The following IPO7 variants were observed in gnomAD, a reference collection of about 807,000 sequenced individuals.
The protein encoded by IPO7 is importin-7.
IPO7 carries 13 observed loss-of-function variants against 136.4 expected under a neutral mutation model. The ratio of observed to expected loss-of-function variants is 0.10; its 90% CI spans 0.06 to 0.15. IPO7 has a LOEUF of 0.15. Ranked by LOEUF, IPO7 falls within the 10% of genes least tolerant of loss-of-function variation. The pLI, the probability that IPO7 is intolerant of heterozygous loss-of-function variation, is 1.00. For missense variants in IPO7, 857 were observed against 1,240.6 expected (o/e 0.69, Z 4.65); for synonymous variants, 403 against 404.4 (o/e 1.00, Z 0.04).
chr11:9,431,630 A>G (rs1050158186), intron 16 of IPO7, among the ~76,000 whole-genome samples: 3 of 152,118 alleles, frequency 2.0e-5, no homozygotes, highest in Non-Finnish European at 4.4e-5. Flanking sequence ...TAGTTTTCTT[A>G]TTATTTACTC....
chr11:9,437,803 T>C lies in IPO7; in HGVS notation c.2318T>C (p.Val773Ala). ...GCCTTAGAAAGACTGACAAGAGAGG[T>C]TAAGACAAGTGAACTTCGAACTATG... ...EAALERLTRE[V>A]KTSELRTMCL... Residue 773 changes from valine (V) to alanine (A), a missense_variant, in exon 21 of 25, where the codon GTT (valine) becomes GCT (alanine). By Grantham distance (64) the Val-to-Ala change is moderately conservative (BLOSUM62 0). Transcript: ENST00000379719. The C allele has an allele frequency of 6.2e-7, 1 of 1,614,154 alleles. No individual in the cohort carries two copies. Among genetic ancestry groups the C allele is most frequent in the Non-Finnish European group, 8.5e-7 (1 of 1,180,014 alleles).
Position 9,428,564 on chromosome 11 carries a change from G to A in IPO7, c.1360G>A (p.Glu454Lys). ...GAAAAAGATCTATAAAGATCAGATG[G>A]AATACATGTTGCAGAATCATGTATT... Reference protein sequence around the residue: ...LKKKIYKDQMEYMLQNHVFPL... With the variant: ...LKKKIYKDQMKYMLQNHVFPL... The change falls in exon 13 of 25, where the codon GAA (glutamate) becomes AAA (lysine). Residue 454 changes from glutamate (E) to lysine (K), a missense_variant. This residue lies in a region of IPO7 where 127 missense variants were observed against 222.4 expected (regional missense o/e 0.57). Coordinates refer to ENST00000379719, the MANE Select transcript of IPO7 (RefSeq NM_006391.3). 1 of 1,537,528 alleles carries A rather than the reference G, an allele frequency of 6.5e-7. No individual in the cohort carries two copies. The highest frequency in any genetic ancestry group is 8.9e-7 in the Non-Finnish European group (1 of 1,118,214).
chr11:9,393,396 T>C (rs1313703229), intron 1 of IPO7, among the ~76,000 whole-genome samples: 1 of 152,208 alleles, frequency 6.6e-6, no homozygotes, highest in African/African-American at 2.4e-5. Flanking sequence ...TTTCTTTTTT[T>C]CTTGAGACGG....
intron 10 of IPO7, 129 bp downstream of exon 10, chr11:9,424,005 T>A (rs947274370): frequency 7.1e-5 from 38 of 537,628 alleles, no homozygotes; most frequent in Non-Finnish European, 1.1e-4. Context: ...CCTTGTGTAG[T>A]CCTTTTTGGG....
intron 23 of IPO7, among the ~76,000 whole-genome samples, chr11:9,441,519 G>T (rs1565005587): frequency 6.6e-6 from 1 of 152,164 alleles, no homozygotes; most frequent in African/African-American, 2.4e-5. Context: ...CCAAGGATTT[G>T]AGTCTTCTAA....
chr11:9,429,321 C>T, intron 14 of IPO7, 125 bp downstream of exon 14: 1 of 790,034 alleles, frequency 1.3e-6, no homozygotes, highest in African/African-American at 1.8e-5. Flanking sequence ...TCAAGACCAG[C>T]CTGGGCAACA....
At chr11:9,404,236 C>G (rs944501933) in intron 2 of IPO7, among the ~76,000 whole-genome samples, 1 of 152,080 alleles carries the variant, frequency 6.6e-6, no homozygotes, top group Non-Finnish European at 1.5e-5. Context: ...GAGGCCAAGG[C>G]GGGGTTATCA....
chr11:9,414,309 G>C lies in IPO7; in HGVS notation c.534G>C (p.Leu178=), dbSNP rs748958897. The change falls in exon 5 of 25, where the codon CTG becomes CTC. Residue 178 remains leucine (L), a synonymous_variant. Transcript: ENST00000379719. ...SPLVAAMQHF[L]PVLKDRFIQL... ...TGGTAGCAGCAATGCAGCATTTTCT[G>C]CCAGTTCTAAAGGATCGTTTTATCC... 2 of 1,613,506 alleles carry C rather than the reference G, an allele frequency of 1.2e-6. No individual in the cohort carries two copies. The highest frequency in any genetic ancestry group is 3.3e-5 in the Admixed American group (2 of 59,974).
rs749058724 is a variant in IPO7, at chr11:9,438,077, T to A, written c.2490-3T>A. 1.1e-4 allele frequency: 138 copies of A among 1,201,396 alleles called. No homozygotes were observed. The highest frequency in any genetic ancestry group is 5.2e-4 in the South Asian group (38 of 72,946). 74.4% of individuals were successfully genotyped at this position (1,201,396 alleles called of 1,614,324 possible). A position where few individuals can be genotyped will look rare whatever the true frequency, so the allele number is the denominator to read the frequency against. Reference sequence around the variant, plus strand: ...TTTTTTTTTTTTTTTTTTTTTTTTTTAGGCTTCATGACAGAAAGATGTGTG... The same window carrying A: ...TTTTTTTTTTTTTTTTTTTTTTTTTAAGGCTTCATGACAGAAAGATGTGTG... On this transcript the variant is annotated splice_polypyrimidine_tract_variant and splice_region_variant and intron_variant, in intron 21 of 24. Transcript: ENST00000379719.
chr11:9,445,512 A>G lies in IPO7; in HGVS notation c.*318A>G. ...TGAAACGAGGGGATGTCATGAAGGC[A>G]GCTTTTCTTTTTCTGAGGAAAAAAT... On this transcript the variant is annotated 3_prime_UTR_variant, in exon 25 of 25. Transcript: ENST00000379719. 4.6e-6 allele frequency: 1 copy of G among 216,874 alleles called. No individual in the cohort carries two copies. Among genetic ancestry groups the G allele is most frequent in the Admixed American group, 5.2e-5 (1 of 19,368 alleles). 13.4% of individuals were successfully genotyped at this position (216,874 alleles called of 1,614,324 possible).
At chr11:9,392,115 C>T in intron 1 of IPO7, 1 of 351,358 alleles carries the variant, frequency 2.8e-6, no homozygotes. Flanking sequence ...CTTAACCTCA[C>T]TATGCCTTAT....
chr11:9,411,631 A>T (rs1854969402), intron 4 of IPO7, among the ~76,000 whole-genome samples: 1 of 152,200 alleles, frequency 6.6e-6, no homozygotes, highest in African/African-American at 2.4e-5. Context: ...TTAGATACTG[A>T]GAACCACTGA....
chr11:9,433,484 T>G, intron 16 of IPO7, 86 bp from the exon 17 acceptor site: 1 of 829,222 alleles, frequency 1.2e-6, no homozygotes, highest in Non-Finnish European at 2.0e-6. Context: ...ACTTTATATT[T>G]AAGTGTACTG....
intron 6 of IPO7, among the ~76,000 whole-genome samples, chr11:9,419,559 AATAT>A (rs1244588095): frequency 5.6e-4 from 66 of 116,834 alleles, no homozygotes; most frequent in African/African-American, 1.7e-3. Context: ...AAAAAAAAAA[AATAT>A]ATATATATAT....
intron 1 of IPO7, among the ~76,000 whole-genome samples, chr11:9,386,027 T>A (rs993277096): frequency 1.3e-5 from 2 of 152,230 alleles, no homozygotes; most frequent in Non-Finnish European, 2.9e-5. Context: ...GTCTTTTAGC[T>A]GGTAAGTAAA....
chr11:9,431,160 A>G (rs1178168145), intron 16 of IPO7, among the ~76,000 whole-genome samples, 157 bp downstream of exon 16: 1 of 152,210 alleles, frequency 6.6e-6, no homozygotes, highest in Non-Finnish European at 1.5e-5. Context: ...AAGTATTAGT[A>G]GAAGGAATAG....
chr11:9,414,042 C>G (rs1855004782), intron 4 of IPO7, among the ~76,000 whole-genome samples: 2 of 151,996 alleles, frequency 1.3e-5, no homozygotes, highest in African/African-American at 4.8e-5. Context: ...AGATTATTGA[C>G]CTCATAATAC....
In IPO7 at chr11:9,420,419, T is replaced by G; in HGVS notation, c.735T>G (p.Leu245=). 1 of 1,606,058 alleles carries G rather than the reference T, an allele frequency of 6.2e-7. No homozygotes were observed. Among genetic ancestry groups the G allele is most frequent in the Non-Finnish European group, 8.5e-7 (1 of 1,174,458 alleles). Residue 245 remains leucine, a synonymous_variant, in exon 7 of 25, where the codon CTT becomes CTG. Coordinates refer to ENST00000379719, the MANE Select transcript of IPO7 (RefSeq NM_006391.3). Reference sequence around the variant, plus strand: ...TAAGTGTCTTTTTAAAGGAAACACTTCAAGTTGAAGAAGATGATCGACCTG... The same window carrying G: ...TAAGTGTCTTTTTAAAGGAAACACTGCAAGTTGAAGAAGATGATCGACCTG... The part of the protein sequence containing the change: ...VVNRDVPNET[L]QVEEDDRPEL...
rs202038310 is a variant in IPO7 at position 9,438,045 on chromosome 11, G to GTTTTTTTT, written c.2490-10_2490-3dup. 156 of 1,093,514 alleles carry GTTTTTTTT rather than the reference G, an allele frequency of 1.4e-4. 1 individual carries two copies. Among genetic ancestry groups the GTTTTTTTT allele is most frequent in the Admixed American group, 3.2e-4 (11 of 33,900 alleles). 67.7% of individuals were successfully genotyped at this position (1,093,514 alleles called of 1,614,324 possible). A position where few individuals can be genotyped will look rare whatever the true frequency, so the allele number is the denominator to read the frequency against. Reference sequence around the variant, plus strand: ...TCTGCTTATTTAAGAAAAGAAAACAGTTTTTTTTTTTTTTTTTTTTTTTTT... The same window carrying GTTTTTTTT: ...TCTGCTTATTTAAGAAAAGAAAACAGTTTTTTTTTTTTTTTTTTTTTTTTTTTTTTTTT... On this transcript the variant is annotated intron_variant, in intron 21 of 24. Coordinates refer to ENST00000379719, the MANE Select transcript of IPO7 (RefSeq NM_006391.3).
Sources: gnomAD v4.1 joint callset for allele counts (sites outside exome capture counted in the v4.1 genomes callset) on GRCh38, gnomAD v4.1.1 for gene constraint, gnomAD v4.1.1 regional missense constraint, MANE v1.5 for transcripts, NCBI Gene and HGNC (gene_info 2026-07-23, HGNC 2026-07-21) for gene names.